Variants in TM2D3 observed in about 807,000 individuals in gnomAD.
TM2D3 encodes the protein TM2 domain containing 3.
Under a neutral mutation model 27.3 loss-of-function variants are expected in TM2D3, and 33 were observed. That is an observed-to-expected ratio of 1.21 (90% CI 0.92 to 1.61). The LOEUF (loss-of-function observed/expected upper bound fraction) is 1.61. Among genes scored for constraint, TM2D3 ranks in the 40% most tolerant of loss-of-function variants. The pLI is 0.00. For missense variants in TM2D3, 364 were observed against 320.8 expected (o/e 1.13, Z -1.03); for synonymous variants, 138 against 122.2 (o/e 1.13, Z -0.85).
In TM2D3 at chr15:101,651,781, TA is replaced by T. The variant is rs1567314772; in HGVS notation, c.92-9del. ...CCAGCGCCTGCGATTGCTCTAAATT[TA>T]AGGATCGTACAATTAGAGAAACACG... On this transcript the variant is annotated splice_polypyrimidine_tract_variant and intron_variant, in intron 1 of 5. Transcript: ENST00000333202. 6.2e-7 allele frequency: 1 copy of T among 1,613,992 alleles called. No homozygotes were observed. The highest frequency in any genetic ancestry group is 1.1e-5 in the South Asian group (1 of 91,078).
At chr15:101,649,500 T>G (rs532913503) in intron 3 of TM2D3, among the ~76,000 whole-genome samples, 19 of 152,350 alleles carry the variant, frequency 1.2e-4, no homozygotes, top group Non-Finnish European at 2.5e-4. Flanking sequence ...CTATCTGGAA[T>G]TTATTCTGGA....
At chr15:101,640,337 T>G (rs139199695), downstream of TM2D3, among the ~76,000 whole-genome samples, 183 of 152,248 alleles carry the variant, frequency 1.2e-3, no homozygotes, top group African/African-American at 4.1e-3. Context: ...CTCTACCATG[T>G]GAGGATGTGA....
chr15:101,635,107 C>T (rs1896525574), intron 4 of TM2D3: 1 of 152,218 alleles, frequency 6.6e-6, no homozygotes, highest in African/African-American at 2.4e-5. Context: ...TTGCAGTGAA[C>T]TGAGATCGTG....
At chr15:101,651,458 G>A in intron 2 of TM2D3, 2 of 488,506 alleles carry the variant, frequency 4.1e-6, no homozygotes, top group South Asian at 2.8e-5. Flanking sequence ...ATAGAAATAA[G>A]GTGACAAATG....
At chr15:101,648,862 TATA>T (rs1482929720) in intron 3 of TM2D3, among the ~76,000 whole-genome samples, 2 of 152,250 alleles carry the variant, frequency 1.3e-5, no homozygotes, top group African/African-American at 2.4e-5. Flanking sequence ...TGCATCCATG[TATA>T]ATGATATCTA....
chr15:101,633,544 C>G (rs1429115369), exon 5 of TM2D3: 1 of 684,404 alleles, frequency 1.5e-6, no homozygotes, highest in Admixed American at 3.0e-5. Flanking sequence ...ATAAGCAGTT[C>G]CTATCAGACC....
chr15:101,639,250 T>C (rs1003524203), downstream of TM2D3, among the ~76,000 whole-genome samples: 8 of 152,192 alleles, frequency 5.3e-5, no homozygotes, highest in African/African-American at 1.9e-4. Context: ...ACGATGTATA[T>C]ACAATAAAAG....
chr15:101,646,381 G>T, intron 4 of TM2D3: 1 of 286,854 alleles, frequency 3.5e-6, no homozygotes, highest in Non-Finnish European at 6.6e-6. Context: ...TGGAAGAGGA[G>T]GAAAGGCAAC....
chr15:101,643,740 A>G (rs184906913), intron 5 of TM2D3, among the ~76,000 whole-genome samples: 3 of 151,950 alleles, frequency 2.0e-5, no homozygotes, highest in East Asian at 3.9e-4. Context: ...GGTATATAAG[A>G]ACTCTACTAT....
In TM2D3 at chr15:101,652,326, G is replaced by A. The variant is rs1897012430; in HGVS notation, c.36C>T (p.Arg12=). 3 of 1,602,244 alleles carry A rather than the reference G, an allele frequency of 1.9e-6. No individual in the cohort carries two copies. The highest frequency in any genetic ancestry group is 2.6e-6 in the Non-Finnish European group (3 of 1,175,166). ...GGAAGAGCAGCACGCGACACAAGGC[G>A]CGGAGGCCCCTCAGCGGGAGCACCC... ...AGGVLPLRGL[R]ALCRVLLFLS... is the part of the protein sequence containing the mutation. Residue 12 remains arginine, a synonymous_variant, in exon 1 of 6, where the codon CGC becomes CGT. Coordinates refer to ENST00000333202, the MANE Select transcript of TM2D3 (RefSeq NM_078474.3).
chr15:101,639,243 A>G (rs1375679603), downstream of TM2D3, among the ~76,000 whole-genome samples: 1 of 152,158 alleles, frequency 6.6e-6, no homozygotes, highest in Non-Finnish European at 1.5e-5. Flanking sequence ...AACGCATACG[A>G]TGTATATACA....
intron 4 of TM2D3, 52 bp downstream of exon 4, chr15:101,646,673 T>C: frequency 2.5e-6 from 4 of 1,609,408 alleles, no homozygotes; most frequent in Non-Finnish European, 3.4e-6. Flanking sequence ...GTCCCTTCAA[T>C]AAACTTGGAG....
downstream of TM2D3, among the ~76,000 whole-genome samples, chr15:101,638,298 CTT>C (rs572960993): frequency 2.1e-5 from 3 of 145,086 alleles, no homozygotes; most frequent in Non-Finnish European, 1.5e-5. Flanking sequence ...ACCCCCCCAC[CTT>C]TTTTTTTTTT....
chr15:101,649,888 T>C (rs568165), intron 3 of TM2D3, 116 bp downstream of exon 3: 408,358 of 1,004,818 alleles, frequency 0.41, 89,219 homozygotes, highest in Non-Finnish European at 0.46. Context: ...AAAAGGGAAA[T>C]CATAAAAGAA....
downstream of TM2D3, among the ~76,000 whole-genome samples, chr15:101,638,590 G>A (rs963388593): frequency 4.6e-5 from 7 of 152,156 alleles, no homozygotes; most frequent in Admixed American, 2.6e-4. Context: ...GAGCCACCAC[G>A]TCTGGCCTCC....
Position 101,646,863 on chromosome 15 carries a change from T to C in TM2D3, c.364A>G (p.Asn122Asp), listed in dbSNP as rs1267321849. The change falls in exon 4 of 6, where the codon AAC (asparagine) becomes GAC (aspartate). Residue 122 changes from asparagine (N) to aspartate (D), a missense_variant. Coordinates refer to ENST00000333202, the MANE Select transcript of TM2D3 (RefSeq NM_078474.3). ...DFKSQKNFIINMTCRFCWQLP... is the reference protein window; with the variant it reads ...DFKSQKNFIIDMTCRFCWQLP... ...TGCCAGCAAAATCTGCAAGTCATGT[T>C]AATGATGAAGTTCTTTTGGGATTTG... The C allele has an allele frequency of 6.2e-7, 1 of 1,614,202 alleles. No individual in the cohort carries two copies. Among genetic ancestry groups the C allele is most frequent in the East Asian group, 2.2e-5 (1 of 44,884 alleles).
downstream of TM2D3, among the ~76,000 whole-genome samples, chr15:101,641,500 A>C (rs966451762): frequency 2.6e-5 from 4 of 152,252 alleles, no homozygotes; most frequent in Non-Finnish European, 5.9e-5. Context: ...GCTTCTAGAT[A>C]TGATATGGTG....
intron 5 of TM2D3, among the ~76,000 whole-genome samples, chr15:101,644,032 G>C (rs1055925974): frequency 6.6e-6 from 1 of 152,124 alleles, no homozygotes; most frequent in African/African-American, 2.4e-5. Context: ...TTTTGGTAGA[G>C]ATGGGGTTTC....
At chr15:101,648,922 C>T (rs1387327184) in intron 3 of TM2D3, among the ~76,000 whole-genome samples, 3 of 152,090 alleles carry the variant, frequency 2.0e-5, no homozygotes, top group South Asian at 2.1e-4. Context: ...CGATTGTGTG[C>T]ATGTGTAAGT....
Sources: gnomAD v4.1 joint callset for allele counts (sites outside exome capture counted in the v4.1 genomes callset) on GRCh38, gnomAD v4.1.1 for gene constraint, MANE v1.5 for transcripts, NCBI Gene and HGNC (gene_info 2026-07-23, HGNC 2026-07-21) for gene names.